The following LRRTM4 variants were observed in gnomAD, a reference collection of about 807,000 sequenced individuals.
The protein encoded by LRRTM4 is leucine-rich repeat transmembrane neuronal protein 4.
LRRTM4 carries 25 observed loss-of-function variants against 47.6 expected under a neutral mutation model. The ratio of observed to expected loss-of-function variants is 0.53; its 90% CI spans 0.38 to 0.73. LRRTM4 has a LOEUF of 0.73. LRRTM4 is among the 30% of genes least tolerant of loss of function. The probability of loss-of-function intolerance (pLI) is 0.00; values close to 1 mark genes in which losing one functional copy is unlikely to be tolerated. For synonymous variants in LRRTM4, 311 were observed against 269.5 expected (o/e 1.15, Z -1.51); for missense variants, 638 against 713.4 (o/e 0.89, Z 1.20).
intron 3 of LRRTM4, among the ~76,000 whole-genome samples, chr2:77,124,309 C>T (rs1298346570): frequency 6.6e-6 from 1 of 151,978 alleles, no homozygotes; most frequent in African/African-American, 2.4e-5. Context: ...GCAACAAGAA[C>T]AGGAACCAAG....
At chr2:77,155,270 A>AT (rs572842439) in intron 3 of LRRTM4, among the ~76,000 whole-genome samples, 3 of 151,884 alleles carry the variant, frequency 2.0e-5, no homozygotes, top group Non-Finnish European at 4.4e-5. Context: ...AAAATGAAGG[A>AT]TTTTTTTCCT....
rs541726798 is a variant in LRRTM4 at position 77,079,956 on chromosome 2, A to T, written c.1552-331040T>A. 1.1e-4 allele frequency among the ~76,000 whole-genome samples: 16 copies of T among 152,190 alleles called. No individual in the cohort carries two copies. In the South Asian group the frequency reaches 3.3e-3, roughly 32 times the overall value. Reference sequence around the variant, plus strand: ...TTTTTAAATGTACCTTTAAAGATTAAACTGTTTTGTTCTTTTCCAACAAAA... The same window carrying T: ...TTTTTAAATGTACCTTTAAAGATTATACTGTTTTGTTCTTTTCCAACAAAA... On this transcript the variant is annotated intron_variant, in intron 3 of 3. Coordinates refer to ENST00000409884, the MANE Select transcript of LRRTM4 (RefSeq NM_001134745.3).
In LRRTM4 at chr2:77,514,318, A is replaced by G. The variant is rs1284567629; in HGVS notation, c.1551+4000T>C. On this transcript the variant is annotated intron_variant, in intron 3 of 3. Coordinates refer to ENST00000409884, the MANE Select transcript of LRRTM4 (RefSeq NM_001134745.3). ...TATGCTTAGTAGTCCTTGGAAATTC[A>G]CTTAGCACACTGAAGAATATCAATA... Among the ~76,000 whole-genome samples the G allele has an allele frequency of 2.6e-5, 4 of 152,044 alleles. No individual in the cohort carries two copies. The East Asian group carries it at 5.8e-4, about 22-fold the overall frequency.
intron 3 of LRRTM4, among the ~76,000 whole-genome samples, chr2:77,160,579 C>T (rs191277921): frequency 1.4e-4 from 21 of 152,068 alleles, no homozygotes; most frequent in African/African-American, 4.1e-4. Flanking sequence ...TGGATGGATG[C>T]AATCCAGATA....
chr2:77,178,509 G>A (rs1050428179), intron 3 of LRRTM4, among the ~76,000 whole-genome samples: 3 of 151,854 alleles, frequency 2.0e-5, no homozygotes, highest in African/African-American at 7.3e-5. Flanking sequence ...TCGCTTGAAC[G>A]CAGGAGGTGG....
intron 3 of LRRTM4, among the ~76,000 whole-genome samples, chr2:76,817,502 A>G (rs1026754008): frequency 6.6e-6 from 1 of 151,936 alleles, no homozygotes; most frequent in Admixed American, 6.6e-5. Flanking sequence ...GTCCTCACAA[A>G]AATACTAGTT....
chr2:77,057,668 A>G (rs1679653709), intron 3 of LRRTM4, among the ~76,000 whole-genome samples: 1 of 152,172 alleles, frequency 6.6e-6, no homozygotes, highest in Non-Finnish European at 1.5e-5. Flanking sequence ...GCAAAACGCA[A>G]GTGCCCTTCC....
chr2:77,244,050 T>C (rs1172051324), intron 3 of LRRTM4, among the ~76,000 whole-genome samples: 1 of 130,746 alleles, frequency 7.6e-6, no homozygotes, highest in Non-Finnish European at 1.6e-5. Context: ...GATAGTTTAC[T>C]GAGAATGATG....
At chr2:77,481,783 G>C (rs1272394927) in intron 3 of LRRTM4, among the ~76,000 whole-genome samples, 1 of 151,980 alleles carries the variant, frequency 6.6e-6, no homozygotes, top group African/African-American at 2.4e-5. Context: ...TTCCAAAAAT[G>C]TGTGACTATC....
chr2:77,310,045 C>T (rs1424184516), intron 3 of LRRTM4, among the ~76,000 whole-genome samples: 1 of 151,636 alleles, frequency 6.6e-6, no homozygotes, highest in African/African-American at 2.4e-5. Context: ...TTGCTCTTTA[C>T]AAAAAAAACT....
chr2:77,023,815 C>G (rs1182128292), intron 3 of LRRTM4, among the ~76,000 whole-genome samples: 1 of 152,166 alleles, frequency 6.6e-6, no homozygotes. Flanking sequence ...CCAAACTGTT[C>G]CAACCTCTGC....
intron 3 of LRRTM4, among the ~76,000 whole-genome samples, chr2:76,950,088 GA>G (rs2103883793): frequency 6.6e-6 from 1 of 152,038 alleles, no homozygotes; most frequent in African/African-American, 2.4e-5. Context: ...CACAAATTAT[GA>G]AAACAGTAGT....
At chr2:77,433,575 T>A (rs1675471635) in intron 3 of LRRTM4, among the ~76,000 whole-genome samples, 2 of 152,222 alleles carry the variant, frequency 1.3e-5, no homozygotes, top group South Asian at 4.1e-4. Context: ...GAAAGCAAGA[T>A]GATATACTTA....
intron 3 of LRRTM4, among the ~76,000 whole-genome samples, chr2:77,075,847 A>G (rs11892906): frequency 0.32 from 42,862 of 133,716 alleles, 8,595 homozygotes; most frequent in African/African-American, 0.59. Context: ...CCCGGGAGGC[A>G]GAGCTTGCAG....
chr2:76,942,674 A>ATATGTGTGTGTGTGTGTGTGTG (rs750604219), intron 3 of LRRTM4, among the ~76,000 whole-genome samples: 2 of 123,246 alleles, frequency 1.6e-5, no homozygotes, highest in African/African-American at 6.4e-5. Flanking sequence ...ACCTCTAGGA[A>ATATGTGTGTGTGTGTGTGTGTG]TCTGTGTGTG....
At chr2:76,889,310 C>G (rs1047751139) in intron 3 of LRRTM4, among the ~76,000 whole-genome samples, 6 of 151,822 alleles carry the variant, frequency 4.0e-5, no homozygotes, top group Non-Finnish European at 4.4e-5. Context: ...GATTGAGAAG[C>G]CAGATATTGA....
chr2:77,353,559 T>A (rs1366626416), intron 3 of LRRTM4, among the ~76,000 whole-genome samples: 2 of 152,216 alleles, frequency 1.3e-5, no homozygotes, highest in African/African-American at 4.8e-5. Flanking sequence ...ATGTCTTTCC[T>A]GAACCTTATG....
At chr2:77,045,914 A>T (rs1679219399) in intron 3 of LRRTM4, among the ~76,000 whole-genome samples, 1 of 151,968 alleles carries the variant, frequency 6.6e-6, no homozygotes, top group Non-Finnish European at 1.5e-5. Flanking sequence ...GGTTTGAACA[A>T]AGATCCAATC....
intron 3 of LRRTM4, among the ~76,000 whole-genome samples, chr2:76,997,640 A>T (rs763216299): frequency 6.6e-6 from 1 of 152,156 alleles, no homozygotes; most frequent in African/African-American, 2.4e-5. Flanking sequence ...ATTTAAGAAT[A>T]TGTGGTTGGT....
Sources: allele counts gnomAD v4.1 joint callset (sites outside exome capture counted in the v4.1 genomes callset), GRCh38; gene constraint gnomAD v4.1.1; transcripts MANE v1.5; gene names NCBI Gene and HGNC (gene_info 2026-07-23, HGNC 2026-07-21).